The following RNLS variants were observed in gnomAD, a reference collection of about 807,000 sequenced individuals.
RNLS encodes renalase, FAD dependent amine oxidase.
In RNLS, 39 loss-of-function variants were observed where a neutral mutation model predicts 39.8. The observed-to-expected ratio is 0.98, with a 90% CI of 0.76 to 1.28. The LOEUF is 1.28. Among genes scored for constraint, RNLS ranks in the 50% most tolerant of loss-of-function variants. The pLI, the probability that RNLS is intolerant of heterozygous loss-of-function variation, is 0.00. For missense variants in RNLS, 410 were observed against 413.3 expected (o/e 0.99, Z 0.07); for synonymous variants, 147 against 150.7 (o/e 0.98, Z 0.18).
intron 5 of RNLS, among the ~76,000 whole-genome samples, chr10:88,321,927 C>T (rs373740447): frequency 3.3e-5 from 5 of 152,122 alleles, no homozygotes; most frequent in Admixed American, 6.5e-5. Flanking sequence ...AACACTGAGG[C>T]GGAGGCATTC....
chr10:88,216,285 G>A, the RNLS span, among the ~76,000 whole-genome samples: 2 of 152,174 alleles, frequency 1.3e-5, no homozygotes, highest in Non-Finnish European at 2.9e-5. Flanking sequence ...TTAAGCAGTA[G>A]AGGGAAATTT....
intron 6 of RNLS, among the ~76,000 whole-genome samples, chr10:88,303,628 T>C (rs1844696849): frequency 6.6e-6 from 1 of 152,208 alleles, no homozygotes; most frequent in Non-Finnish European, 1.5e-5. Flanking sequence ...GGTGCATGTC[T>C]GTATGGGGTG....
chr10:88,219,208 G>A, the RNLS span, among the ~76,000 whole-genome samples: 27 of 152,152 alleles, frequency 1.8e-4, no homozygotes, highest in Admixed American at 2.6e-4. Flanking sequence ...ATATTGCATG[G>A]CACTCAAAAC....
At chr10:88,208,317 G>A in the RNLS span, among the ~76,000 whole-genome samples, 5 of 152,038 alleles carry the variant, frequency 3.3e-5, no homozygotes, top group Admixed American at 6.6e-5. Context: ...TTAAAGCTCT[G>A]TTGTAATCTC....
At chr10:88,447,953 A>G (rs942341150) in intron 4 of RNLS, among the ~76,000 whole-genome samples, 2 of 152,246 alleles carry the variant, frequency 1.3e-5, no homozygotes, top group Non-Finnish European at 2.9e-5. Flanking sequence ...CTGGCTAGCT[A>G]TATGTAGAAA....
intron 4 of RNLS, among the ~76,000 whole-genome samples, chr10:88,488,162 A>G (rs1844653088): frequency 6.6e-6 from 1 of 152,172 alleles, no homozygotes; most frequent in African/African-American, 2.4e-5. Context: ...AAGTGGTTTC[A>G]TGAGTGTATA....
At chr10:88,465,478 G>A (rs1843152427) in intron 4 of RNLS, among the ~76,000 whole-genome samples, 1 of 152,120 alleles carries the variant, frequency 6.6e-6, no homozygotes, top group Non-Finnish European at 1.5e-5. Flanking sequence ...TTTGAACTAT[G>A]TGGCTCAAGC....
chr10:88,501,710 C>T (rs1459851657), intron 4 of RNLS, among the ~76,000 whole-genome samples: 1 of 152,120 alleles, frequency 6.6e-6, no homozygotes, highest in East Asian at 1.9e-4. Flanking sequence ...AATTCATAAC[C>T]TAAAACCCTG....
intron 4 of RNLS, among the ~76,000 whole-genome samples, chr10:88,557,047 T>A (rs564091429): frequency 6.6e-6 from 1 of 151,274 alleles, no homozygotes; most frequent in Non-Finnish European, 1.5e-5. Context: ...TCAATATCTG[T>A]AAAATGAAAA....
At chr10:88,564,433 G>T (rs765531855) in intron 4 of RNLS, among the ~76,000 whole-genome samples, 2 of 152,076 alleles carry the variant, frequency 1.3e-5, no homozygotes, top group Non-Finnish European at 2.9e-5. Flanking sequence ...GAAAATCAGA[G>T]GGTGGGGGGT....
chr10:88,191,579 C>T, the RNLS span, among the ~76,000 whole-genome samples: 1 of 152,136 alleles, frequency 6.6e-6, no homozygotes, highest in Non-Finnish European at 1.5e-5. Context: ...ATTAAAGAAA[C>T]CAAATGCAGG....
In RNLS at chr10:88,423,290, C is replaced by A. The variant is rs545340601; in HGVS notation, c.527-60565G>T. Among the ~76,000 whole-genome samples, 7 of 152,290 alleles carry A rather than the reference C, an allele frequency of 4.6e-5. No individual in the cohort carries two copies. In the East Asian group the frequency reaches 1.4e-3, roughly 29 times the overall value. On this transcript the variant is annotated intron_variant, in intron 4 of 6. Coordinates refer to ENST00000331772, the MANE Select transcript of RNLS (RefSeq NM_001031709.3). ...TGCATATATGCTACACGTATGCTGA[C>A]ATACAACCTGTCAGCATTTTCCATA... is the stretch of plus-strand genomic sequence containing the variant.
intron 4 of RNLS, among the ~76,000 whole-genome samples, chr10:88,483,418 C>A (rs955054854): frequency 1.3e-5 from 2 of 152,088 alleles, no homozygotes; most frequent in East Asian, 1.9e-4. Flanking sequence ...GGCAAAATTT[C>A]TCTTTTTTAT....
At chr10:88,488,813 G>C (rs1844721674) in intron 4 of RNLS, among the ~76,000 whole-genome samples, 1 of 152,176 alleles carries the variant, frequency 6.6e-6, no homozygotes, top group African/African-American at 2.4e-5. Flanking sequence ...CAATTAAAAT[G>C]TTTGAAGGAG....
At position 88,293,742 on chromosome 10, in the gene RNLS, C is replaced by G. The variant is rs916810638; in HGVS notation, c.877-8236G>C. Among the ~76,000 whole-genome samples, 8 of 152,174 alleles carry G rather than the reference C, an allele frequency of 5.3e-5. 1 individual carries two copies. Among genetic ancestry groups the G allele is most frequent in the African/African-American group, 1.4e-4 (6 of 41,536 alleles). Reference sequence around the variant, plus strand: ...TGCTCTGGGGTAAGGCTTGACACAGCTCAAAGCAGAGTCTCTGTCAGTCTG... The same window carrying G: ...TGCTCTGGGGTAAGGCTTGACACAGGTCAAAGCAGAGTCTCTGTCAGTCTG... On this transcript the variant is annotated intron_variant, in intron 6 of 6. Coordinates refer to ENST00000331772, the MANE Select transcript of RNLS (RefSeq NM_001031709.3).
chr10:88,343,931 G>A, intron 5 of RNLS: 1 of 448,134 alleles, frequency 2.2e-6, no homozygotes, highest in Non-Finnish European at 2.9e-6. Context: ...CTTCCACAAT[G>A]CCTAAAAAAG....
intron 4 of RNLS, among the ~76,000 whole-genome samples, chr10:88,486,317 T>A (rs76293497): frequency 6.6e-6 from 1 of 152,000 alleles, no homozygotes; most frequent in Non-Finnish European, 1.5e-5. Context: ...CAGGCAAAGA[T>A]TTCATGACAA....
intron 4 of RNLS, among the ~76,000 whole-genome samples, chr10:88,455,531 C>T (rs558173576): frequency 5.9e-5 from 9 of 152,166 alleles, no homozygotes; most frequent in South Asian, 4.2e-4. Flanking sequence ...CTCAGCCTCC[C>T]GAGTAGCTGG....
intron 5 of RNLS, among the ~76,000 whole-genome samples, chr10:88,322,363 T>C (rs111581276): frequency 7.5e-4 from 114 of 152,270 alleles, no homozygotes; most frequent in Middle Eastern, 3.4e-3. Flanking sequence ...ATTTCCCCGA[T>C]ATGGTTTGGG....
Sources: allele counts gnomAD v4.1 joint callset (sites outside exome capture counted in the v4.1 genomes callset), GRCh38; gene constraint gnomAD v4.1.1; transcripts MANE v1.5; gene names NCBI Gene and HGNC (gene_info 2026-07-23, HGNC 2026-07-21).